The following WEE2 variants were observed in gnomAD, a reference collection of about 807,000 sequenced individuals.
The protein encoded by WEE2 is WEE2 oocyte meiosis inhibiting kinase.
A neutral mutation model predicts 60.1 loss-of-function variants in WEE2; 50 were observed. The ratio of observed to expected loss-of-function variants is 0.83; its 90% CI spans 0.66 to 1.05. WEE2 has a LOEUF of 1.05. WEE2 is among the 50% of genes least tolerant of loss of function. The pLI is 0.00. For synonymous variants in WEE2, 240 were observed against 241.0 expected (o/e 1.00, Z 0.04); for missense variants, 631 against 684.3 (o/e 0.92, Z 0.87).
intron 5 of WEE2, 25 bp from the exon 6 acceptor site, chr7:141,723,109 G>T (rs1798948144): frequency 1.2e-6 from 2 of 1,613,432 alleles, no homozygotes; most frequent in South Asian, 2.2e-5. Flanking sequence ...ATACTGTGGG[G>T]CTGTTCTCTG....
intron 11 of WEE2, 37 bp from the exon 12 acceptor site, chr7:141,730,258 C>A: frequency 1.2e-6 from 2 of 1,606,932 alleles, no homozygotes; most frequent in South Asian, 1.1e-5. Context: ...TGCCACTGAT[C>A]AATAACTTAT....
At chr7:141,725,520 G>A (rs1798998937) in intron 9 of WEE2, among the ~76,000 whole-genome samples, 1 of 151,874 alleles carries the variant, frequency 6.6e-6, no homozygotes, top group African/African-American at 2.4e-5. Flanking sequence ...AGCTACTTGG[G>A]TGGCTGAGAC....
chr7:141,727,538 G>T, intron 10 of WEE2, 92 bp downstream of exon 10: 1 of 1,482,046 alleles, frequency 6.7e-7, no homozygotes, highest in Admixed American at 2.0e-5. Flanking sequence ...GTGGATTCAA[G>T]TATAAATATA....
chr7:141,716,315 C>G (rs1445693930), intron 3 of WEE2, 48 bp downstream of exon 3: 2 of 1,564,570 alleles, frequency 1.3e-6, no homozygotes, highest in Admixed American at 1.7e-5. Flanking sequence ...GCAGTTTATC[C>G]TATTCTTTCT....
At chr7:141,720,569 T>C (rs1180890438) in intron 4 of WEE2, among the ~76,000 whole-genome samples, 1 of 152,136 alleles carries the variant, frequency 6.6e-6, no homozygotes, top group Non-Finnish European at 1.5e-5. Context: ...TTGATTGTGA[T>C]AGGATGAAAT....
rs1799112972 is a variant in WEE2 at position 141,730,177 on chromosome 7, G to GGTCTTGGT, written c.1679-118_1679-117insGTCTTGGT. 2.2e-5 allele frequency: 18 copies of GGTCTTGGT among 834,660 alleles called. No individual in the cohort carries two copies. The South Asian group carries it at 3.5e-4, about 16-fold the overall frequency. 51.7% of individuals were successfully genotyped at this position (834,660 alleles called of 1,614,324 possible). ...TAGCCAAGATCCTAAAGCTAGTAAGGCTTTGTCTTCTCAAGGGTCCCAGAC... is the reference window on the plus strand; with the variant it reads ...TAGCCAAGATCCTAAAGCTAGTAAGGGTCTTGGTCTTTGTCTTCTCAAGGGTCCCAGAC... On this transcript the variant is annotated intron_variant, in intron 11 of 11. Transcript: ENST00000397541.
At position 141,720,919 on chromosome 7, in the gene WEE2, CT is replaced by C. The variant is rs1450605972; in HGVS notation, c.759-12del. 1 of 1,607,250 alleles carries C rather than the reference CT, an allele frequency of 6.2e-7. No individual in the cohort carries two copies. Among genetic ancestry groups the C allele is most frequent in the Non-Finnish European group, 8.5e-7 (1 of 1,174,466 alleles). Reference sequence around the variant, plus strand: ...TGATTGATGTTTTTATTCCTCAATGCTTTTCTGTCTCATAGGAATTCGGCTT... The same window carrying C: ...TGATTGATGTTTTTATTCCTCAATGCTTTCTGTCTCATAGGAATTCGGCTT... On this transcript the variant is annotated splice_polypyrimidine_tract_variant and intron_variant, in intron 4 of 11. Transcript: ENST00000397541.
At position 141,725,139 on chromosome 7, in the gene WEE2, G is replaced by A; in HGVS notation, c.1335G>A (p.Lys445=). Reference sequence around the variant, plus strand: ...GTGCTGCATGGCACCATATCCGCAAGGGTAACTTTCCGGACGTTCCTCAGG... The same window carrying A: ...GTGCTGCATGGCACCATATCCGCAAAGGTAACTTTCCGGACGTTCCTCAGG... ...TNGAAWHHIR[K]GNFPDVPQEL... is the part of the protein sequence containing the mutation. The change falls in exon 9 of 12, where the codon AAG becomes AAA. Residue 445 remains lysine, a synonymous_variant. Coordinates refer to ENST00000397541, the MANE Select transcript of WEE2 (RefSeq NM_001105558.1). 6.2e-7 allele frequency: 1 copy of A among 1,614,216 alleles called. No individual in the cohort carries two copies. Among genetic ancestry groups the A allele is most frequent in the Non-Finnish European group, 8.5e-7 (1 of 1,180,038 alleles).
chr7:141,723,178 A>C lies in WEE2; in HGVS notation c.925A>C (p.Asn309His), dbSNP rs923710396. 3.1e-6 allele frequency: 5 copies of C among 1,614,100 alleles called. No homozygotes were observed. Among genetic ancestry groups the C allele is most frequent in the Non-Finnish European group, 4.2e-6 (5 of 1,180,036 alleles). Residue 309 changes from asparagine to histidine, a missense_variant, in exon 6 of 12, where the codon AAT (asparagine) becomes CAT (histidine). By Grantham distance (68) the Asn-to-His change is moderately conservative (BLOSUM62 1). Transcript: ENST00000397541. ...AAISENTKSG[N>H]HFEEPKLKDI... The stretch of plus-strand genomic sequence containing the variant: ...TATATCTGAAAACACTAAGTCTGGC[A>C]ATCATTTTGAAGAGCCAAAACTCAA...
intron 7 of WEE2, 52 bp downstream of exon 7, chr7:141,724,100 G>A (rs1798969072): frequency 6.4e-7 from 1 of 1,569,440 alleles, no homozygotes; most frequent in African/African-American, 1.4e-5. Context: ...AAAATTTATA[G>A]TGATGACTCA....
chr7:141,710,421 T>C (rs1798692015), intron 1 of WEE2, among the ~76,000 whole-genome samples: 1 of 152,202 alleles, frequency 6.6e-6, no homozygotes, highest in Non-Finnish European at 1.5e-5. Flanking sequence ...ATGACATTCA[T>C]TTGATCATTC....
In WEE2 at chr7:141,727,452, T is replaced by C; in HGVS notation, c.1535+6T>C. ...AAGACTGCCACACTGGAAAGGTATATTTTTGGATGATGGGGGGTCAAGAAA... is the reference window on the plus strand; with the variant it reads ...AAGACTGCCACACTGGAAAGGTATACTTTTGGATGATGGGGGGTCAAGAAA... On this transcript the variant is annotated splice_donor_region_variant and intron_variant, in intron 10 of 11. Coordinates refer to ENST00000397541, the MANE Select transcript of WEE2 (RefSeq NM_001105558.1). The C allele has an allele frequency of 6.2e-7, 1 of 1,613,862 alleles. No homozygotes were observed. The highest frequency in any genetic ancestry group is 8.5e-7 in the Non-Finnish European group (1 of 1,179,888).
chr7:141,717,813 G>A (rs1287931405), intron 3 of WEE2, among the ~76,000 whole-genome samples: 1 of 152,128 alleles, frequency 6.6e-6, no homozygotes, highest in Non-Finnish European at 1.5e-5. Flanking sequence ...GGTGTAAGAG[G>A]GGTATGGTGG....
chr7:141,723,403 C>T, intron 6 of WEE2, 123 bp downstream of exon 6: 3 of 1,070,742 alleles, frequency 2.8e-6, no homozygotes, highest in Non-Finnish European at 4.0e-6. Flanking sequence ...CCCCTTTCTT[C>T]CATTTGTGTT....
At chr7:141,710,226 G>A (rs147824158) in intron 1 of WEE2, among the ~76,000 whole-genome samples, 1 of 152,318 alleles carries the variant, frequency 6.6e-6, no homozygotes, top group East Asian at 1.9e-4. Context: ...CAGAGAGAGA[G>A]TAGTTATGCC....
intron 11 of WEE2, among the ~76,000 whole-genome samples, chr7:141,730,007 A>G (rs912340977): frequency 2.0e-5 from 3 of 151,896 alleles, no homozygotes; most frequent in Non-Finnish European, 4.4e-5. Flanking sequence ...AAAAAAAAAA[A>G]AAACTCATTC....
chr7:141,727,298 C>G lies in WEE2; in HGVS notation c.1393-6C>G. 1 of 1,612,904 alleles carries G rather than the reference C, an allele frequency of 6.2e-7. No homozygotes were observed. The highest frequency in any genetic ancestry group is 1.1e-5 in the South Asian group (1 of 90,872). On this transcript the variant is annotated splice_polypyrimidine_tract_variant and splice_region_variant and intron_variant, in intron 9 of 11. Transcript: ENST00000397541. ...TGTTTCTTTCCTCTTGGTCCTATATCATCAGAACATGATCCAACCTGATGC... is the reference window on the plus strand; with the variant it reads ...TGTTTCTTTCCTCTTGGTCCTATATGATCAGAACATGATCCAACCTGATGC...
Position 141,708,880 on chromosome 7 carries a change from C to T in WEE2, c.122C>T (p.Pro41Leu). 1.2e-6 allele frequency: 2 copies of T among 1,614,154 alleles called. No individual in the cohort carries two copies. The highest frequency in any genetic ancestry group is 1.7e-6 in the Non-Finnish European group (2 of 1,180,020). ...AGCAGGGAGGCTTCGAGCCAAACCCCAGAGAAGGGTGAAGTGCAGGATTCA... is the reference window on the plus strand; with the variant it reads ...AGCAGGGAGGCTTCGAGCCAAACCCTAGAGAAGGGTGAAGTGCAGGATTCA... Reference protein sequence around the residue: ...EESREASSQTPEKGEVQDSEA... With the variant: ...EESREASSQTLEKGEVQDSEA... The change falls in exon 1 of 12, where the codon CCA (proline) becomes CTA (leucine). Residue 41 changes from proline (P) to leucine (L), a missense_variant. Coordinates refer to ENST00000397541, the MANE Select transcript of WEE2 (RefSeq NM_001105558.1).
Position 141,723,141 on chromosome 7 carries a change from T to A in WEE2, c.888T>A (p.Ser296Arg). Reference protein sequence around the residue: ...IIQNEYCNGGSLQAAISENTK... With the variant: ...IIQNEYCNGGRLQAAISENTK... ...TCTGTTGTTCTTTCCCAGGTGGGAG[T>A]TTGCAAGCTGCTATATCTGAAAACA... Residue 296 changes from serine (S) to arginine (R), a missense_variant, in exon 6 of 12, where the codon AGT (serine) becomes AGA (arginine). Ser to Arg is a moderately radical substitution (Grantham distance 110). Transcript: ENST00000397541. 1 of 1,613,976 alleles carries A rather than the reference T, an allele frequency of 6.2e-7. No individual in the cohort carries two copies. The highest frequency in any genetic ancestry group is 8.5e-7 in the Non-Finnish European group (1 of 1,179,970).
Sources: gnomAD v4.1 joint callset for allele counts (sites outside exome capture counted in the v4.1 genomes callset) on GRCh38, gnomAD v4.1.1 for gene constraint, MANE v1.5 for transcripts, NCBI Gene and HGNC (gene_info 2026-07-23, HGNC 2026-07-21) for gene names.